Variants in PPARGC1A observed in about 807,000 individuals in gnomAD.
The protein encoded by PPARGC1A is PPARG coactivator 1 alpha, also known as peroxisome proliferator-activated receptor gamma coactivator 1-alpha.
A neutral mutation model predicts 88.7 loss-of-function variants in PPARGC1A; 25 were observed. The ratio of observed to expected loss-of-function variants is 0.28; its 90% confidence interval spans 0.21 to 0.39. The LOEUF is 0.39. Among genes scored for constraint, PPARGC1A ranks in the 10% least tolerant of loss-of-function variants. PPARGC1A has a pLI of 1.00. For missense variants in PPARGC1A, 880 were observed against 968.7 expected, an observed-to-expected ratio of 0.91 and a Z score of 1.22; for synonymous variants, 363 against 355.6, an observed-to-expected ratio of 1.02 and a Z score of -0.24.
chr4:23,844,790 A>ATATATGATATATATTAT (rs1491280441), intron 2 of PPARGC1A, among the ~76,000 whole-genome samples: 1 of 117,712 alleles, frequency 8.5e-6, no homozygotes, highest in African/African-American at 3.1e-5. Flanking sequence ...TATTATAATA[A>ATATATGATATATATTAT]TATATGATAT....
the PPARGC1A span, among the ~76,000 whole-genome samples, chr4:24,006,657 T>C: frequency 1.7e-4 from 26 of 152,290 alleles, no homozygotes; most frequent in African/African-American, 6.3e-4. Context: ...ACACCATTGA[T>C]AGCCACAATG....
the PPARGC1A span, among the ~76,000 whole-genome samples, chr4:24,226,042 A>C: frequency 6.6e-6 from 1 of 152,160 alleles, no homozygotes; most frequent in Non-Finnish European, 1.5e-5. Context: ...GCAAGGTGAG[A>C]GCTGTTTCCA....
the PPARGC1A span, among the ~76,000 whole-genome samples, chr4:24,429,683 G>A: frequency 2.2e-5 from 3 of 136,712 alleles, no homozygotes; most frequent in African/African-American, 8.3e-5. Flanking sequence ...AGACAATCTC[G>A]CTCTGTCACC....
the PPARGC1A span, among the ~76,000 whole-genome samples, chr4:24,135,759 T>A: frequency 6.6e-6 from 1 of 152,136 alleles, no homozygotes; most frequent in Non-Finnish European, 1.5e-5. Flanking sequence ...TCCAGCAAAT[T>A]TATTTTGCCT....
At chr4:23,978,951 A>G in the PPARGC1A span, among the ~76,000 whole-genome samples, 2 of 152,246 alleles carry the variant, frequency 1.3e-5, no homozygotes, top group Admixed American at 1.3e-4. Flanking sequence ...TGCTTACCAT[A>G]TATGCAACAT....
chr4:24,041,229 G>A, the PPARGC1A span, among the ~76,000 whole-genome samples: 5 of 152,196 alleles, frequency 3.3e-5, no homozygotes, highest in Non-Finnish European at 7.3e-5. Context: ...GATATTGGAA[G>A]GCACTAACAA....
the PPARGC1A span, among the ~76,000 whole-genome samples, chr4:23,910,353 T>TA: frequency 1.3e-4 from 11 of 85,074 alleles, no homozygotes; most frequent in African/African-American, 5.4e-4. Flanking sequence ...ATATATTATA[T>TA]ATATTATATA....
the PPARGC1A span, among the ~76,000 whole-genome samples, chr4:24,151,816 C>A: frequency 2.0e-5 from 3 of 152,148 alleles, no homozygotes; most frequent in African/African-American, 7.2e-5. Context: ...TATGGCATCC[C>A]AAATAGGTCT....
chr4:24,357,797 TC>T, the PPARGC1A span, among the ~76,000 whole-genome samples: 4 of 152,230 alleles, frequency 2.6e-5, no homozygotes, highest in African/African-American at 9.6e-5. Flanking sequence ...TGCCTGGTTC[TC>T]ATTTTCTCTC....
chr4:24,271,955 C>A, the PPARGC1A span, among the ~76,000 whole-genome samples: 1 of 152,056 alleles, frequency 6.6e-6, no homozygotes, highest in Admixed American at 6.5e-5. Context: ...ATTCATTTTC[C>A]TAAGCTTTTA....
the PPARGC1A span, among the ~76,000 whole-genome samples, chr4:23,972,528 A>G: frequency 3.9e-5 from 6 of 152,348 alleles, no homozygotes; most frequent in African/African-American, 1.4e-4. Flanking sequence ...TTTCAGACAT[A>G]ATACGTATGA....
At chr4:23,964,576 T>C in the PPARGC1A span, among the ~76,000 whole-genome samples, 1 of 152,082 alleles carries the variant, frequency 6.6e-6, no homozygotes, top group Non-Finnish European at 1.5e-5. Flanking sequence ...AATATGCAGG[T>C]GGTATATGGA....
chr4:24,002,022 T>A, the PPARGC1A span, among the ~76,000 whole-genome samples: 1 of 151,282 alleles, frequency 6.6e-6, no homozygotes, highest in Non-Finnish European at 1.5e-5. Context: ...CAGGAAGTCA[T>A]TGAATGTGGC....
At chr4:24,420,931 G>A in the PPARGC1A span, among the ~76,000 whole-genome samples, 1 of 152,160 alleles carries the variant, frequency 6.6e-6, no homozygotes, top group African/African-American at 2.4e-5. Context: ...CATAGATGGT[G>A]CCTTCTACAT....
the PPARGC1A span, among the ~76,000 whole-genome samples, chr4:24,317,555 T>TAAAAAAAAAAAAAAA: frequency 5.4e-4 from 12 of 22,218 alleles, 4 homozygotes; most frequent in Non-Finnish European, 1.2e-3. Flanking sequence ...TTCAGAGGAC[T>TAAAAAAAAAAAAAAA]AAAAAAAAAA....
the PPARGC1A span, among the ~76,000 whole-genome samples, chr4:24,469,775 G>T: frequency 6.6e-6 from 1 of 152,112 alleles, no homozygotes; most frequent in Non-Finnish European, 1.5e-5. Flanking sequence ...GAAGAAGCCG[G>T]TAGTTTTCCT....
intron 1 of PPARGC1A, among the ~76,000 whole-genome samples, chr4:23,895,830 G>T (rs985782492): frequency 4.0e-5 from 6 of 151,848 alleles, no homozygotes; most frequent in African/African-American, 9.7e-5. Context: ...TGTGTACAAA[G>T]ATTTTTCATA....
intron 2 of PPARGC1A, among the ~76,000 whole-genome samples, chr4:23,869,365 G>GAATATTAATGAATCC (rs1712774243): frequency 6.6e-6 from 1 of 152,170 alleles, no homozygotes; most frequent in Non-Finnish European, 1.5e-5. Flanking sequence ...AGCATTCTTT[G>GAATATTAATGAATCC]AAACTGCCAA....
the PPARGC1A span, among the ~76,000 whole-genome samples, chr4:24,469,159 G>A: frequency 6.6e-6 from 1 of 152,212 alleles, no homozygotes. Flanking sequence ...TCTCACTCTT[G>A]CAAATTTGGC....
Sources: gnomAD v4.1 joint callset for allele counts (sites outside exome capture counted in the v4.1 genomes callset) on GRCh38, gnomAD v4.1.1 for gene constraint, MANE v1.5 for transcripts, NCBI Gene and HGNC (gene_info 2026-07-23, HGNC 2026-07-21) for gene names.